Variants in FBLIM1 observed in about 807,000 individuals in gnomAD.
The protein encoded by FBLIM1 is filamin-binding LIM protein 1.
Under a neutral mutation model 37.4 loss-of-function variants are expected in FBLIM1, and 29 were observed. The observed-to-expected ratio is 0.77, with a 90% CI of 0.58 to 1.06. The LOEUF is 1.06. Among genes scored for constraint, FBLIM1 ranks in the 50% least tolerant of loss-of-function variants. The pLI is 0.00. For synonymous variants in FBLIM1, 193 were observed against 199.0 expected, an observed-to-expected ratio of 0.97 and a Z score of 0.25; for missense variants, 449 against 505.6, an observed-to-expected ratio of 0.89 and a Z score of 1.07.
chr1:15,782,984 C>T (rs995638894), intron 8 of FBLIM1, among the ~76,000 whole-genome samples: 11 of 152,006 alleles, frequency 7.2e-5, no homozygotes, highest in African/African-American at 2.4e-4. Flanking sequence ...TTAGTAGAGA[C>T]GGGGTTTCAC....
chr1:15,767,003 C>T lies in FBLIM1; in HGVS notation c.251-373C>T, dbSNP rs375455319. On this transcript the variant is annotated intron_variant, in intron 3 of 8. Coordinates refer to ENST00000375766, the MANE Select transcript of FBLIM1 (RefSeq NM_017556.4). ...CTCTTGGGCTTAAGTGATCCTTCCA[C>T]GTCAGCCTCCCAAGTAGCTAGGACT... Among the ~76,000 whole-genome samples the T allele has an allele frequency of 8.0e-4, 121 of 151,714 alleles. No individual in the cohort carries two copies. In the South Asian group the frequency reaches 9.6e-3, roughly 12 times the overall value.
chr1:15,777,059 G>C, intron 7 of FBLIM1, 111 bp from the exon 8 acceptor site: 1 of 771,352 alleles, frequency 1.3e-6, no homozygotes, highest in Non-Finnish European at 2.2e-6. Context: ...CATAGCAACG[G>C]GACTGAAATT....
Position 15,786,542 on chromosome 1 carries a change from C to T in FBLIM1, c.*1881C>T, listed in dbSNP as rs2546. The stretch of plus-strand genomic sequence containing the variant: ...TGCAGTCATGTTCACGTGCTAGTTA[C>T]GTTTTTCTTCTTACACATGAAAATA... On this transcript the variant is annotated 3_prime_UTR_variant, in exon 9 of 9. Transcript: ENST00000375766. 0.12 allele frequency: 17,706 copies of T among 152,308 alleles called. 1,270 individuals carry two copies. Among genetic ancestry groups the T allele is most frequent in the East Asian group, 0.25 (1,289 of 5,188 alleles). The allele number at this position is 152,308 out of a possible 1,614,324, so 9.4% of individuals were successfully genotyped here.
At chr1:15,781,718 G>GTTTT (rs71002929) in intron 8 of FBLIM1, among the ~76,000 whole-genome samples, 18 of 111,410 alleles carry the variant, frequency 1.6e-4, no homozygotes, top group Admixed American at 4.1e-4. Flanking sequence ...AGGTAGTATT[G>GTTTT]TTTTTTTTTT....
In FBLIM1 at chr1:15,774,807, G is replaced by C. The variant is rs201113424; in HGVS notation, c.890+11G>C. On this transcript the variant is annotated intron_variant, in intron 7 of 8. Transcript: ENST00000375766. ...GGACGACTTCTACAGGTACGAGAAG[G>C]GTTTGTGCACTGGGTGGGGTGCAGG... The C allele has an allele frequency of 7.1e-5, 115 of 1,614,076 alleles. No homozygotes were observed. In the East Asian group the frequency reaches 1.9e-3, roughly 27 times the overall value.
Position 15,765,008 on chromosome 1 carries a change from G to A in FBLIM1, c.25G>A (p.Val9Met), listed in dbSNP as rs1232689047. The change falls in exon 3 of 9, where the codon GTG becomes ATG. Residue 9 changes from valine to methionine, a missense_variant. Physicochemically the swap from Val to Met is conservative, Grantham distance 21. Transcript: ENST00000375766. The surrounding 1 kb of genome is among the most constrained non-coding windows in gnomAD (Gnocchi z 5.9). MASKPEKRVASSVFITLAP... is the reference protein window; with the variant it reads MASKPEKRMASSVFITLAP... Reference sequence around the variant, plus strand: ...CATGGCCTCAAAGCCTGAGAAGAGGGTGGCATCGTCTGTCTTTATCACCCT... The same window carrying A: ...CATGGCCTCAAAGCCTGAGAAGAGGATGGCATCGTCTGTCTTTATCACCCT... 3.7e-6 allele frequency: 6 copies of A among 1,613,760 alleles called. No homozygotes were observed. In the South Asian group the frequency reaches 6.6e-5, roughly 18 times the overall value.
At chr1:15,761,184 G>A (rs915917552) in intron 1 of FBLIM1, among the ~76,000 whole-genome samples, 6 of 152,184 alleles carry the variant, frequency 3.9e-5, no homozygotes, top group Non-Finnish European at 5.9e-5. Context: ...GGACCAGCCC[G>A]GAACATGCCG....
intron 5 of FBLIM1, among the ~76,000 whole-genome samples, chr1:15,769,484 TAAAA>T (rs749211888): frequency 6.7e-6 from 1 of 149,586 alleles, no homozygotes; most frequent in Non-Finnish European, 1.5e-5. Flanking sequence ...CTCAAAAAAA[TAAAA>T]AAATAAAATA....
chr1:15,768,556 C>T lies in FBLIM1; in HGVS notation c.467C>T (p.Pro156Leu). The change falls in exon 5 of 9, where the codon CCC becomes CTC. Residue 156 changes from proline (P) to leucine (L), a missense_variant. Transcript: ENST00000375766. ...QAPAEGPSVQ[P>L]GPLRPMEEEL... The stretch of plus-strand genomic sequence containing the variant: ...CCAGCGGAGGGACCTTCAGTCCAGC[C>T]CGGTCCCCTCAGGCCCATGGAGGAA... 6.2e-7 allele frequency: 1 copy of T among 1,608,322 alleles called. No homozygotes were observed. The highest frequency in any genetic ancestry group is 8.5e-7 in the Non-Finnish European group (1 of 1,178,386).
intron 1 of FBLIM1, among the ~76,000 whole-genome samples, chr1:15,759,428 G>T (rs372537062): frequency 5.3e-5 from 8 of 152,184 alleles, no homozygotes; most frequent in Admixed American, 4.6e-4. Flanking sequence ...TGATCTTGGC[G>T]TCGGCCCCTA....
intron 3 of FBLIM1, among the ~76,000 whole-genome samples, chr1:15,766,412 T>A (rs2068926424): frequency 6.6e-6 from 1 of 152,190 alleles, no homozygotes; most frequent in Non-Finnish European, 1.5e-5. Context: ...TTCTCCTGCC[T>A]CAGCCTCCCA....
rs866685588 is a variant in FBLIM1, at chr1:15,774,075, G to A, written c.712-543G>A. On this transcript the variant is annotated intron_variant, in intron 6 of 8. Coordinates refer to ENST00000375766, the MANE Select transcript of FBLIM1 (RefSeq NM_017556.4). The stretch of plus-strand genomic sequence containing the variant: ...ACTTGAACCTCAAGTAGAGGATGCA[G>A]TGAGCTGAGATTGGGGCACTGCACT... Among the ~76,000 whole-genome samples the A allele has an allele frequency of 1.4e-4, 21 of 152,282 alleles. No homozygotes were observed. In the Middle Eastern group the frequency reaches 0.027, roughly 197 times the overall value.
intron 1 of FBLIM1, among the ~76,000 whole-genome samples, chr1:15,761,132 A>G (rs577623972): frequency 2.0e-5 from 3 of 152,188 alleles, no homozygotes; most frequent in South Asian, 4.2e-4. Flanking sequence ...GCTGGGTGGG[A>G]GGAGGCAGAG....
intron 1 of FBLIM1, among the ~76,000 whole-genome samples, chr1:15,760,588 G>GTT (rs374701028): frequency 2.9e-5 from 4 of 139,412 alleles, no homozygotes; most frequent in African/African-American, 1.1e-4. Context: ...AGGTTTTTTT[G>GTT]TTTTTTTTTT....
intron 6 of FBLIM1, among the ~76,000 whole-genome samples, chr1:15,771,825 A>C (rs1557697916): frequency 6.6e-6 from 1 of 151,548 alleles, no homozygotes; most frequent in Admixed American, 6.6e-5. Context: ...CTACCACACG[A>C]GGTCACACGA....
At chr1:15,781,867 T>C (rs1313026699) in intron 8 of FBLIM1, among the ~76,000 whole-genome samples, 5 of 125,634 alleles carry the variant, frequency 4.0e-5, no homozygotes, top group Non-Finnish European at 5.0e-5. Context: ...CACAGGCGCC[T>C]GCCACCACGC....
intron 4 of FBLIM1, 22 bp from the exon 5 acceptor site, chr1:15,768,506 C>T: frequency 6.6e-7 from 1 of 1,513,076 alleles, no homozygotes; most frequent in Non-Finnish European, 8.9e-7. Flanking sequence ...CACTGGATGA[C>T]TCCCCGTCTG....
At chr1:15,761,330 G>T (rs961602190) in intron 1 of FBLIM1, among the ~76,000 whole-genome samples, 2 of 152,162 alleles carry the variant, frequency 1.3e-5, no homozygotes, top group Non-Finnish European at 2.9e-5. Context: ...TTAGAATTCC[G>T]AGTGCCATGG....
At chr1:15,775,173 T>A in intron 7 of FBLIM1, 1 of 238,912 alleles carries the variant, frequency 4.2e-6, no homozygotes, top group Non-Finnish European at 7.5e-6. Flanking sequence ...TGAGCCGAGA[T>A]CACGCCACTG....
Sources: gnomAD v4.1 joint callset for allele counts (sites outside exome capture counted in the v4.1 genomes callset) on GRCh38, gnomAD v4.1.1 for gene constraint, Gnocchi (gnomAD v3.1) non-coding constraint, MANE v1.5 for transcripts, NCBI Gene and HGNC (gene_info 2026-07-23, HGNC 2026-07-21) for gene names.